MACROD2: variants seen among roughly 807,000 people sequenced by gnomAD.
The protein encoded by MACROD2 is ADP-ribose glycohydrolase MACROD2.
MACROD2 carries 36 observed loss-of-function variants against 70.4 expected under a neutral mutation model. The observed-to-expected ratio is 0.51, with a 90% CI of 0.39 to 0.68. MACROD2 has a LOEUF of 0.68. MACROD2 is among the 30% of genes least tolerant of loss of function. MACROD2 has a pLI of 0.00. For missense variants in MACROD2, 496 were observed against 538.4 expected, an observed-to-expected ratio of 0.92 and a Z score of 0.78; for synonymous variants, 172 against 178.8, an observed-to-expected ratio of 0.96 and a Z score of 0.30.
intron 10 of MACROD2, among the ~76,000 whole-genome samples, chr20:15,913,219 G>GA (rs11482787): frequency 0.038 from 5,653 of 148,398 alleles, 144 homozygotes; most frequent in African/African-American, 0.07. Context: ...TCTCTTCATA[G>GA]AAAAAAAAAA....
At chr20:14,621,022 A>T (rs1983796806) in intron 4 of MACROD2, among the ~76,000 whole-genome samples, 1 of 152,052 alleles carries the variant, frequency 6.6e-6, no homozygotes, top group Non-Finnish European at 1.5e-5. Context: ...AATTAGACAG[A>T]GTTATGAAAT....
intron 3 of MACROD2, among the ~76,000 whole-genome samples, chr20:14,091,606 C>A (rs895115845): frequency 2.6e-4 from 39 of 152,064 alleles, no homozygotes; most frequent in Non-Finnish European, 4.6e-4. Flanking sequence ...TAAACGTATA[C>A]AATGATTGGT....
chr20:15,023,379 C>T (rs77403176), intron 5 of MACROD2, among the ~76,000 whole-genome samples: 2,173 of 152,286 alleles, frequency 0.014, 54 homozygotes, highest in African/African-American at 0.05. Context: ...TACATATACT[C>T]CAGCCCTCAC....
intron 16 of MACROD2, 94 bp from the exon 17 acceptor site, chr20:16,044,477 A>G: frequency 9.6e-7 from 1 of 1,041,692 alleles, no homozygotes; most frequent in Non-Finnish European, 1.4e-6. Flanking sequence ...ATCAAATAGG[A>G]AATCAGGAAA....
chr20:14,311,217 C>T (rs1397854124), intron 3 of MACROD2, among the ~76,000 whole-genome samples: 2 of 152,178 alleles, frequency 1.3e-5, no homozygotes, highest in African/African-American at 4.8e-5. Context: ...GTGCCCGATA[C>T]AGGTGTACCA....
At chr20:15,362,831 A>C (rs2423956) in intron 6 of MACROD2, among the ~76,000 whole-genome samples, 130,550 of 151,464 alleles carry the variant, frequency 0.86, 56,342 homozygotes, top group East Asian at 0.99. Flanking sequence ...TGATCAAATA[A>C]ATTGTTGAAT....
At chr20:15,712,794 G>A (rs1238392906) in intron 8 of MACROD2, among the ~76,000 whole-genome samples, 1 of 152,186 alleles carries the variant, frequency 6.6e-6, no homozygotes, top group Non-Finnish European at 1.5e-5. Flanking sequence ...AATGAAGAAA[G>A]CTGTCCACAT....
intron 3 of MACROD2, among the ~76,000 whole-genome samples, chr20:14,221,346 T>A (rs2081671912): frequency 1.3e-5 from 2 of 152,186 alleles, no homozygotes; most frequent in Non-Finnish European, 2.9e-5. Context: ...TACATTATTG[T>A]GGTATTTTGA....
chr20:15,679,228 C>T (rs2050125141), intron 8 of MACROD2, among the ~76,000 whole-genome samples: 2 of 135,098 alleles, frequency 1.5e-5, no homozygotes, highest in Middle Eastern at 3.7e-3. Flanking sequence ...CAGAGTAAGA[C>T]TCCATCTCAA....
At position 15,140,299 on chromosome 20, in the gene MACROD2, A is replaced by G. The variant is rs141756719; in HGVS notation, c.419-89641A>G. On this transcript the variant is annotated intron_variant, in intron 5 of 17. Coordinates refer to ENST00000684519, the MANE Select transcript of MACROD2 (RefSeq NM_001351661.2). Reference sequence around the variant, plus strand: ...ATGATGGAAGAACCTTGCTGCTTCAACGGAGAGAGCCATGGGGATTTAAAA... The same window carrying G: ...ATGATGGAAGAACCTTGCTGCTTCAGCGGAGAGAGCCATGGGGATTTAAAA... Among the ~76,000 whole-genome samples the G allele has an allele frequency of 3.3e-5, 5 of 151,310 alleles. No homozygotes were observed. In the East Asian group the frequency reaches 9.8e-4, roughly 30 times the overall value.
At chr20:15,031,906 G>A (rs925913679) in intron 5 of MACROD2, among the ~76,000 whole-genome samples, 3 of 152,054 alleles carry the variant, frequency 2.0e-5, no homozygotes, top group East Asian at 1.9e-4. Flanking sequence ...TCTGCCTCCC[G>A]CCATCAGCAT....
intron 6 of MACROD2, among the ~76,000 whole-genome samples, chr20:15,346,495 C>A (rs1198680470): frequency 6.6e-6 from 1 of 152,080 alleles, no homozygotes; most frequent in Non-Finnish European, 1.5e-5. Flanking sequence ...TTGTTGAGTC[C>A]AGTGAGCTGA....
chr20:15,354,303 G>A (rs1238120872), intron 6 of MACROD2, among the ~76,000 whole-genome samples: 1 of 151,944 alleles, frequency 6.6e-6, no homozygotes, highest in African/African-American at 2.4e-5. Flanking sequence ...TGAACAATGA[G>A]AACACATGGA....
chr20:15,190,236 G>A (rs1043139455), intron 5 of MACROD2, among the ~76,000 whole-genome samples: 1 of 151,898 alleles, frequency 6.6e-6, no homozygotes, highest in African/African-American at 2.4e-5. Flanking sequence ...TTCTCCTCTG[G>A]CATCTTATGG....
At position 15,470,281 on chromosome 20, in the gene MACROD2, C is replaced by A. The variant is rs569997009; in HGVS notation, c.572-29493C>A. 2.6e-5 allele frequency among the ~76,000 whole-genome samples: 4 copies of A among 152,294 alleles called. No individual in the cohort carries two copies. In the South Asian group the frequency reaches 8.3e-4, roughly 32 times the overall value. On this transcript the variant is annotated intron_variant, in intron 7 of 17. Transcript: ENST00000684519. Reference sequence around the variant, plus strand: ...AGCTAGGATGGTCTCGATCTCCTGACCCCATGATCTGCCTGCCTATGCCTC... The same window carrying A: ...AGCTAGGATGGTCTCGATCTCCTGAACCCATGATCTGCCTGCCTATGCCTC...
rs77573546 is a variant in MACROD2 at position 15,100,570 on chromosome 20, T to C, written c.419-129370T>C. Among the ~76,000 whole-genome samples the C allele has an allele frequency of 1.0e-3, 155 of 152,312 alleles. 1 individual carries two copies. The highest frequency in any genetic ancestry group is 1.8e-3 in the Non-Finnish European group (123 of 68,020). On this transcript the variant is annotated intron_variant, in intron 5 of 17. Transcript: ENST00000684519. ...AATACCACATAAGCAGAAAGTTATCTCTGTAGCTAAAATTCTTCATCTAAC... is the reference window on the plus strand; with the variant it reads ...AATACCACATAAGCAGAAAGTTATCCCTGTAGCTAAAATTCTTCATCTAAC...
At chr20:15,504,324 C>T (rs1256793460) in intron 8 of MACROD2, among the ~76,000 whole-genome samples, 5 of 151,866 alleles carry the variant, frequency 3.3e-5, no homozygotes, top group Admixed American at 2.6e-4. Flanking sequence ...CACAGTGGCT[C>T]AAACAGTGGC....
intron 2 of MACROD2, among the ~76,000 whole-genome samples, chr20:14,026,457 G>T (rs1267716446): frequency 6.6e-6 from 1 of 152,152 alleles, no homozygotes; most frequent in Non-Finnish European, 1.5e-5. Context: ...TTACAATTTG[G>T]TATGTTTTTG....
At chr20:14,802,605 A>G (rs1433427933) in intron 5 of MACROD2, among the ~76,000 whole-genome samples, 1 of 148,048 alleles carries the variant, frequency 6.8e-6, no homozygotes, top group Non-Finnish European at 1.5e-5. Flanking sequence ...TTTTTGAAAT[A>G]AAAATATATA....
Sources: allele counts gnomAD v4.1 joint callset (sites outside exome capture counted in the v4.1 genomes callset), GRCh38; gene constraint gnomAD v4.1.1; transcripts MANE v1.5; gene names NCBI Gene and HGNC (gene_info 2026-07-23, HGNC 2026-07-21).